Variants in LGALS8 observed in about 807,000 individuals in gnomAD.
LGALS8 encodes the protein galectin 8, also known as galectin-8.
LGALS8 carries 30 observed loss-of-function variants against 35.9 expected under a neutral mutation model. The observed-to-expected ratio is 0.83, with a 90% confidence interval of 0.62 to 1.13. The LOEUF is 1.13. Among genes scored for constraint, LGALS8 ranks in the 50% most tolerant of loss-of-function variants. The pLI, the probability that LGALS8 is intolerant of heterozygous loss-of-function variation, is 0.00. For missense variants in LGALS8, 366 were observed against 388.7 expected, an observed-to-expected ratio of 0.94 and a Z score of 0.49; for synonymous variants, 138 against 136.1, an observed-to-expected ratio of 1.01 and a Z score of -0.10.
upstream of LGALS8, chr1:236,518,223 G>A (rs1357580601): frequency 6.6e-6 from 1 of 152,142 alleles, no homozygotes; most frequent in Non-Finnish European, 1.5e-5. Context: ...CATAGTTCTA[G>A]AAGCTTGTTT....
intron 2 of LGALS8, among the ~76,000 whole-genome samples, chr1:236,531,249 G>T (rs1444281019): frequency 1.3e-5 from 2 of 152,160 alleles, no homozygotes; most frequent in Non-Finnish European, 2.9e-5. Flanking sequence ...ACGTATTTCT[G>T]TAGGATAAAT....
At chr1:236,531,134 G>A (rs76197745) in intron 2 of LGALS8, among the ~76,000 whole-genome samples, 18 of 152,068 alleles carry the variant, frequency 1.2e-4, no homozygotes, top group Non-Finnish European at 1.3e-4. Flanking sequence ...ATAATTAGCA[G>A]TAAAACTTAT....
chr1:236,539,958 C>T (rs1200700956), intron 4 of LGALS8: 2 of 117,648 alleles, frequency 1.7e-5, no homozygotes, highest in Non-Finnish European at 3.9e-5. Flanking sequence ...AACGTGGTAC[C>T]TGGCATTTGA....
chr1:236,538,354 C>T (rs1450442420), intron 3 of LGALS8, among the ~76,000 whole-genome samples: 2 of 152,160 alleles, frequency 1.3e-5, no homozygotes, highest in African/African-American at 4.8e-5. Flanking sequence ...TCAGTTAACT[C>T]CTTCAAGTCG....
Position 236,548,215 on chromosome 1 carries a change from T to C in LGALS8, c.*54T>C, listed in dbSNP as rs934396868. ...AAATACAGAATGGCTTCTGTGATAC[T>C]GGCCTTGCTGAAACGCATCTCACTG... On this transcript the variant is annotated 3_prime_UTR_variant, in exon 10 of 10. Transcript: ENST00000366584. 2.5e-5 allele frequency: 38 copies of C among 1,499,314 alleles called. No individual in the cohort carries two copies. In the South Asian group the frequency reaches 4.0e-4, roughly 16 times the overall value. The allele number at this position is 1,499,314 out of a possible 1,614,324, so 92.9% of individuals were successfully genotyped here. A position where few individuals can be genotyped will look rare whatever the true frequency, so the allele number is the denominator to read the frequency against.
intron 2 of LGALS8, among the ~76,000 whole-genome samples, chr1:236,536,898 T>C (rs1661546838): frequency 1.3e-5 from 2 of 152,172 alleles, no homozygotes; most frequent in South Asian, 4.1e-4. Context: ...GCAGAAGTTT[T>C]GCTTCACAAA....
rs140711365 is a variant in LGALS8, at chr1:236,531,670, A to G, written c.45+5555A>G. 2.1e-3 allele frequency among the ~76,000 whole-genome samples: 275 copies of G among 133,466 alleles called. 1 individual carries two copies. Among genetic ancestry groups the G allele is most frequent in the African/African-American group, 6.8e-3 (236 of 34,578 alleles). The allele number at this position is 133,466 out of a possible 152,430, so 87.6% of individuals were successfully genotyped here. A position where few individuals can be genotyped will look rare whatever the true frequency, so the allele number is the denominator to read the frequency against. ...GCTTGGATCCTTCTTAGCTTCTTCA[A>G]TGTTAAAGATATTGACAGTTTTCCT... On this transcript the variant is annotated intron_variant, in intron 2 of 9. Coordinates refer to ENST00000366584, the MANE Select transcript of LGALS8 (RefSeq NM_201544.4).
At position 236,536,435 on chromosome 1, in the gene LGALS8, T is replaced by C. The variant is rs547231778; in HGVS notation, c.46-1062T>C. ...GAAGGGGAATGACAAGATCTGGCAGTGTGGCAGGTCCCAGAAAAAAAGGGC... is the reference window on the plus strand; with the variant it reads ...GAAGGGGAATGACAAGATCTGGCAGCGTGGCAGGTCCCAGAAAAAAAGGGC... On this transcript the variant is annotated intron_variant, in intron 2 of 9. Transcript: ENST00000366584. The C allele has an allele frequency of 5.2e-5, 8 of 152,458 alleles. No individual in the cohort carries two copies. In the South Asian group the frequency reaches 1.7e-3, roughly 32 times the overall value. The allele number at this position is 152,458 out of a possible 1,614,324, so 9.4% of individuals were successfully genotyped here. A position where few individuals can be genotyped will look rare whatever the true frequency, so the allele number is the denominator to read the frequency against.
At chr1:236,543,671 C>T in intron 8 of LGALS8, 23 bp downstream of exon 8, 1 of 1,551,300 alleles carries the variant, frequency 6.4e-7, no homozygotes, top group Non-Finnish European at 8.9e-7. Context: ...CGGTACCAGT[C>T]ACAGTGCAGA....
intron 7 of LGALS8, 111 bp from the exon 8 acceptor site, chr1:236,543,449 G>GA (rs768191479): frequency 2.4e-6 from 2 of 840,580 alleles, no homozygotes; most frequent in African/African-American, 3.3e-5. Context: ...TCCCCTCCTG[G>GA]GATTTACAGG....
Position 236,540,659 on chromosome 1 carries a change from C to T in LGALS8, c.441C>T (p.His147=), listed in dbSNP as rs2103096773. ...TLGIYGKVNI[H]SIGFSFSSDL... The stretch of plus-strand genomic sequence containing the variant: ...GCATTTATGGCAAAGTGAATATTCA[C>T]TCAATTGGTTTTAGCTTCAGCTCGG... Residue 147 remains histidine (H), a synonymous_variant, in exon 5 of 10, where the codon CAC becomes CAT. Transcript: ENST00000366584. The T allele has an allele frequency of 6.2e-7, 1 of 1,610,656 alleles. No homozygotes were observed. The highest frequency in any genetic ancestry group is 1.1e-5 in the South Asian group (1 of 90,242).
chr1:236,540,433 A>ACG, intron 4 of LGALS8, 131 bp from the exon 5 acceptor site: 1 of 1,011,578 alleles, frequency 9.9e-7, no homozygotes, highest in Non-Finnish European at 1.4e-6. Context: ...CCATTTGGTC[A>ACG]TGTGTGTGGA....
Position 236,549,052 on chromosome 1 carries a change from A to G in LGALS8, c.*891A>G, listed in dbSNP as rs889262534. On this transcript the variant is annotated 3_prime_UTR_variant, in exon 10 of 10. Transcript: ENST00000366584. ...GGCAACAAAGTAAGGTCAGGATTAG[A>G]CTTCAGGCATTCATAAGGCAGGCAC... 7.5e-5 allele frequency: 30 copies of G among 398,460 alleles called. No homozygotes were observed. In the Admixed American group the frequency reaches 1.2e-3, roughly 16 times the overall value. 24.7% of individuals were successfully genotyped at this position (398,460 alleles called of 1,614,324 possible). A position where few individuals can be genotyped will look rare whatever the true frequency, so the allele number is the denominator to read the frequency against.
chr1:236,541,512 CA>C, intron 5 of LGALS8, 141 bp from the exon 6 acceptor site: 2 of 536,316 alleles, frequency 3.7e-6, no homozygotes, highest in Non-Finnish European at 6.6e-6. Flanking sequence ...CGGAAAGGAC[CA>C]CAGTGTCAAG....
chr1:236,551,785 C>T lies in LGALS8; in HGVS notation c.*3624C>T. On this transcript the variant is annotated 3_prime_UTR_variant, in exon 10 of 10. Coordinates refer to ENST00000366584, the MANE Select transcript of LGALS8 (RefSeq NM_201544.4). ...CACTGTAAACGGACTCTCAAATGAT[C>T]AGGAGGTGGTCACTTCGCAACTTGC... is the stretch of plus-strand genomic sequence containing the variant. The T allele has an allele frequency of 1.9e-6, 1 of 513,918 alleles. No individual in the cohort carries two copies. Among genetic ancestry groups the T allele is most frequent in the Non-Finnish European group, 3.5e-6 (1 of 289,148 alleles). The allele number at this position is 513,918 out of a possible 1,614,324, so 31.8% of individuals were successfully genotyped here. A position where few individuals can be genotyped will look rare whatever the true frequency, so the allele number is the denominator to read the frequency against.
Position 236,543,178 on chromosome 1 carries a change from G to C in LGALS8, c.550-382G>C, listed in dbSNP as rs144507881. 8.0e-6 allele frequency: 6 copies of C among 752,068 alleles called. No individual in the cohort carries two copies. The East Asian group carries it at 1.3e-4, about 17-fold the overall frequency. The allele number at this position is 752,068 out of a possible 1,614,324, so 46.6% of individuals were successfully genotyped here. On this transcript the variant is annotated intron_variant, in intron 7 of 9. Transcript: ENST00000366584. Reference sequence around the variant, plus strand: ...GTGCCGTCCCTGGACGGATTCGAGAGTCAACCAGGCCTGCCTCTGAGCCAT... The same window carrying C: ...GTGCCGTCCCTGGACGGATTCGAGACTCAACCAGGCCTGCCTCTGAGCCAT...
rs1325809509 is a variant in LGALS8, at chr1:236,538,858, CCT to C, written c.135-20_135-19del. ...TTCCTTTCTGAGCACTCATGGGGCC[CCT>C]GTGTCTTCCCTCATATAGATTCCAG... On this transcript the variant is annotated intron_variant, in intron 3 of 9. Transcript: ENST00000366584. 8.8e-6 allele frequency: 14 copies of C among 1,592,420 alleles called. No individual in the cohort carries two copies. The highest frequency in any genetic ancestry group is 2.7e-5 in the African/African-American group (2 of 74,662).
At chr1:236,518,818 C>T (rs748368345), upstream of LGALS8, among the ~76,000 whole-genome samples, 28 of 152,152 alleles carry the variant, frequency 1.8e-4, no homozygotes, top group African/African-American at 5.5e-4. Context: ...CACTTAGCAC[C>T]GCTATTTCAT....
At chr1:236,537,736 G>T in intron 3 of LGALS8, 151 bp downstream of exon 3, 1 of 667,076 alleles carries the variant, frequency 1.5e-6, no homozygotes, top group Non-Finnish European at 2.7e-6. Flanking sequence ...GAGGAGATTG[G>T]AATGAATGAC....
Sources: allele counts gnomAD v4.1 joint callset (sites outside exome capture counted in the v4.1 genomes callset), GRCh38; gene constraint gnomAD v4.1.1; transcripts MANE v1.5; gene names NCBI Gene and HGNC (gene_info 2026-07-23, HGNC 2026-07-21).